The following HBS1L variants were observed in gnomAD, a reference collection of about 807,000 sequenced individuals.
The protein encoded by HBS1L is HBS1-like protein.
A neutral mutation model predicts 88.9 loss-of-function variants in HBS1L; 55 were observed. The observed-to-expected ratio is 0.62, with a 90% CI of 0.50 to 0.77. The LOEUF is 0.77. HBS1L is among the 30% of genes least tolerant of loss of function. The pLI, the probability that HBS1L is intolerant of heterozygous loss-of-function variation, is 0.00. For missense variants in HBS1L, 741 were observed against 829.3 expected (o/e 0.89, Z 1.31); for synonymous variants, 267 against 288.5 (o/e 0.93, Z 0.76).
chr6:134,971,915 A>C (rs1774500044), intron 15 of HBS1L, among the ~76,000 whole-genome samples: 2 of 152,300 alleles, frequency 1.3e-5, no homozygotes, highest in Non-Finnish European at 2.9e-5. Flanking sequence ...TGAAAATTTG[A>C]AGTTTTTTCT....
chr6:134,980,731 CTA>C (rs1461944571), intron 13 of HBS1L, among the ~76,000 whole-genome samples: 2 of 149,936 alleles, frequency 1.3e-5, no homozygotes, highest in Admixed American at 6.7e-5. Flanking sequence ...TTTTAATACT[CTA>C]TGAGCTTGAT....
At position 135,016,794 on chromosome 6, in the gene HBS1L, T is replaced by C. The variant is rs114065182; in HGVS notation, c.431-13952A>G. 3.4e-3 allele frequency among the ~76,000 whole-genome samples: 515 copies of C among 152,322 alleles called. 1 individual carries two copies. The highest frequency in any genetic ancestry group is 0.012 in the African/African-American group (496 of 41,574). On this transcript the variant is annotated intron_variant, in intron 4 of 17. Coordinates refer to ENST00000367837, the MANE Select transcript of HBS1L (RefSeq NM_006620.4). ...ATCCAGTCCAGTGCCTGGTACATAT[T>C]AGGCACTGAAATATTTAATAAAATT...
intron 4 of HBS1L, 62 bp downstream of exon 4, chr6:135,039,511 G>T: frequency 7.6e-7 from 1 of 1,324,062 alleles, no homozygotes; most frequent in Non-Finnish European, 1.1e-6. Context: ...TCAAGCAAAC[G>T]AAAGCCTCTC....
chr6:135,003,652 G>A (rs1775528642), intron 4 of HBS1L, among the ~76,000 whole-genome samples: 1 of 151,466 alleles, frequency 6.6e-6, no homozygotes, highest in East Asian at 1.9e-4. Flanking sequence ...TGGATCACGA[G>A]GTCAGGAGTT....
At chr6:134,979,555 T>TA (rs1419171872) in intron 13 of HBS1L, 3 of 300,350 alleles carry the variant, frequency 1.0e-5, no homozygotes, top group African/African-American at 6.4e-5. Flanking sequence ...ACAATTGGTA[T>TA]ATTCATTAAA....
chr6:135,026,403 T>C (rs1406889111), intron 4 of HBS1L, among the ~76,000 whole-genome samples: 1 of 152,084 alleles, frequency 6.6e-6, no homozygotes, highest in African/African-American at 2.4e-5. Context: ...AAATAAACTA[T>C]AAAATTTCCA....
chr6:134,985,244 A>G (rs1774943967), intron 12 of HBS1L, 97 bp downstream of exon 12: 1 of 620,898 alleles, frequency 1.6e-6, no homozygotes. Context: ...GAGACTCTGA[A>G]GGCAATATAC....
chr6:135,017,296 T>C (rs939162634), intron 4 of HBS1L, among the ~76,000 whole-genome samples: 4 of 152,126 alleles, frequency 2.6e-5, no homozygotes, highest in African/African-American at 7.2e-5. Flanking sequence ...AATACTATCA[T>C]TGACATAAAA....
At chr6:135,054,531 C>A in intron 1 of HBS1L, 118 bp downstream of exon 1, 1 of 1,186,306 alleles carries the variant, frequency 8.4e-7, no homozygotes, top group Non-Finnish European at 1.2e-6. Flanking sequence ...AACTGGGGCT[C>A]TCCCAATCCC....
intron 4 of HBS1L, chr6:135,037,150 G>A (rs1194775028): frequency 7.4e-5 from 115 of 1,551,510 alleles, no homozygotes; most frequent in Admixed American, 9.8e-5. Context: ...TGCCAATGAC[G>A]ACAGAGATCC....
At chr6:135,020,134 C>T (rs1015986581) in intron 4 of HBS1L, among the ~76,000 whole-genome samples, 1 of 141,178 alleles carries the variant, frequency 7.1e-6, no homozygotes, top group African/African-American at 2.6e-5. Flanking sequence ...TATATAAAAA[C>T]ATTATGAATG....
chr6:134,965,679 T>C (rs1216082320), intron 17 of HBS1L, among the ~76,000 whole-genome samples: 2 of 152,264 alleles, frequency 1.3e-5, no homozygotes, highest in Admixed American at 6.5e-5. Context: ...AGGAGGTAAA[T>C]TGAAGGAGAA....
At chr6:135,017,598 AATTT>A (rs1225588461) in intron 4 of HBS1L, among the ~76,000 whole-genome samples, 4 of 152,088 alleles carry the variant, frequency 2.6e-5, no homozygotes. Flanking sequence ...GAAATCTAAA[AATTT>A]ATTCCACATT....
At chr6:134,981,496 ATCT>A (rs759128567) in intron 13 of HBS1L, among the ~76,000 whole-genome samples, 18 of 152,054 alleles carry the variant, frequency 1.2e-4, no homozygotes, top group Non-Finnish European at 2.4e-4. Flanking sequence ...TTTTCAAGAA[ATCT>A]TCTTTTAAAG....
At chr6:135,036,530 C>G (rs1317212610) in intron 4 of HBS1L, 2 of 1,437,630 alleles carry the variant, frequency 1.4e-6, no homozygotes, top group Admixed American at 3.1e-5. Context: ...AAAAGCTCTA[C>G]AACAGCAATC....
In HBS1L at chr6:134,962,278, T is replaced by C. The variant is rs1774205377; in HGVS notation, c.*3001A>G. On this transcript the variant is annotated 3_prime_UTR_variant, in exon 18 of 18. Coordinates refer to ENST00000367837, the MANE Select transcript of HBS1L (RefSeq NM_006620.4). The stretch of plus-strand genomic sequence containing the variant: ...CTCTAATACTTCTATTGAAAAATAT[T>C]GATTACATAACAACATGAAAATAAC... 1 of 152,174 alleles carries C rather than the reference T, an allele frequency of 6.6e-6. No homozygotes were observed. Among genetic ancestry groups the C allele is most frequent in the Non-Finnish European group, 1.5e-5 (1 of 68,032 alleles). The allele number at this position is 152,174 out of a possible 1,614,324, so 9.4% of individuals were successfully genotyped here. A position where few individuals can be genotyped will look rare whatever the true frequency, so the allele number is the denominator to read the frequency against.
intron 1 of HBS1L, among the ~76,000 whole-genome samples, chr6:135,054,098 T>G (rs1777169405): frequency 1.3e-5 from 2 of 152,242 alleles, no homozygotes. Context: ...TTCTACCGTC[T>G]CCTAAGTTTC....
chr6:134,983,447 G>A (rs1341546780), intron 12 of HBS1L: 1 of 151,534 alleles, frequency 6.6e-6, no homozygotes, highest in Non-Finnish European at 1.5e-5. Flanking sequence ...GGTAAGGAAA[G>A]TGAAGACTAA....
intron 16 of HBS1L, among the ~76,000 whole-genome samples, chr6:134,969,024 A>G (rs1186566608): frequency 1.3e-5 from 2 of 152,192 alleles, no homozygotes; most frequent in African/African-American, 4.8e-5. Context: ...ACCACCACAC[A>G]TAACAGAAAT....
Sources: gnomAD v4.1 joint callset for allele counts (sites outside exome capture counted in the v4.1 genomes callset) on GRCh38, gnomAD v4.1.1 for gene constraint, MANE v1.5 for transcripts, NCBI Gene and HGNC (gene_info 2026-07-23, HGNC 2026-07-21) for gene names.